The following SERPINB9 variants were observed in gnomAD, a reference collection of about 807,000 sequenced individuals.
SERPINB9 encodes serpin B9.
Under a neutral mutation model 27.2 loss-of-function variants are expected in SERPINB9, and 20 were observed. That is an observed-to-expected ratio of 0.74 (90% CI 0.52 to 1.07). The LOEUF (loss-of-function observed/expected upper bound fraction) is 1.07. SERPINB9 is among the 50% of genes least tolerant of loss of function. The pLI is 0.00. For synonymous variants in SERPINB9, 189 were observed against 180.0 expected (o/e 1.05, Z -0.40); for missense variants, 476 against 460.1 (o/e 1.03, Z -0.32).
chr6:2,891,815 C>A lies in SERPINB9; in HGVS notation c.723+18G>T. 6.4e-7 allele frequency: 1 copy of A among 1,568,896 alleles called. No homozygotes were observed. Among genetic ancestry groups the A allele is most frequent in the Non-Finnish European group, 8.6e-7 (1 of 1,163,324 alleles). ...CCGCAAAGGTGTCCCTGGGTTCTTCCCGCAGCCCGGGTCTTACCGTGCTGA... is the reference window on the plus strand; with the variant it reads ...CCGCAAAGGTGTCCCTGGGTTCTTCACGCAGCCCGGGTCTTACCGTGCTGA... On this transcript the variant is annotated intron_variant, in intron 6 of 6. Transcript: ENST00000380698. This position sits in a 1 kb window ranked among gnomAD's most constrained non-coding sequence, Gnocchi z 4.0.
intron 2 of SERPINB9, chr6:2,899,893 C>T: frequency 2.2e-6 from 1 of 456,324 alleles, no homozygotes. Flanking sequence ...GGGACAAGCA[C>T]TGATCTTGAA....
chr6:2,889,907 G>T lies in SERPINB9; in HGVS notation c.*256C>A. ...GTGGAATTCTAGAAGAACTTTGCTT[G>T]CCATCCTATGGGATTTGGACTGCAA... is the stretch of plus-strand genomic sequence containing the variant. On this transcript the variant is annotated 3_prime_UTR_variant, in exon 7 of 7. Coordinates refer to ENST00000380698, the MANE Select transcript of SERPINB9 (RefSeq NM_004155.6). 1 of 372,846 alleles carries T rather than the reference G, an allele frequency of 2.7e-6. No individual in the cohort carries two copies. Among genetic ancestry groups the T allele is most frequent in the Non-Finnish European group, 4.9e-6 (1 of 205,546 alleles). 23.1% of individuals were successfully genotyped at this position (372,846 alleles called of 1,614,324 possible).
chr6:2,894,991 A>C lies in SERPINB9; in HGVS notation c.424+400T>G, dbSNP rs1047438754. 5.3e-5 allele frequency among the ~76,000 whole-genome samples: 8 copies of C among 152,052 alleles called. No homozygotes were observed. Among genetic ancestry groups the C allele is most frequent in the African/African-American group, 1.9e-4 (8 of 41,398 alleles). ...AGGCTGGTCTCGAACTCCTGACCTCAAGTGATATGTCCACTTCGGCCTTCT... is the reference window on the plus strand; with the variant it reads ...AGGCTGGTCTCGAACTCCTGACCTCCAGTGATATGTCCACTTCGGCCTTCT... On this transcript the variant is annotated intron_variant, in intron 4 of 6. Coordinates refer to ENST00000380698, the MANE Select transcript of SERPINB9 (RefSeq NM_004155.6). This position sits in a 1 kb window ranked among gnomAD's most constrained non-coding sequence, Gnocchi z 4.7.
In SERPINB9 at chr6:2,896,086, C is replaced by G. The variant is rs1390130524; in HGVS notation, c.273G>C (p.Arg91Ser). ...GTQYLLRTAN[R>S]LFGEKTCQFL... The stretch of plus-strand genomic sequence containing the variant: ...ACTGACAAGTTTTCTCTCCAAAGAG[C>G]CTGTTGGCCGTTCTCAGCAGGTACT... Residue 91 changes from arginine to serine, a missense_variant, in exon 3 of 7, where the codon AGG becomes AGC. Arg to Ser is a moderately radical substitution (Grantham distance 110, BLOSUM62 -1). Transcript: ENST00000380698. 6.2e-7 allele frequency: 1 copy of G among 1,613,736 alleles called. No individual in the cohort carries two copies.
chr6:2,897,567 C>T (rs1768041414), intron 2 of SERPINB9, among the ~76,000 whole-genome samples: 1 of 151,920 alleles, frequency 6.6e-6, no homozygotes, highest in African/African-American at 2.4e-5. Flanking sequence ...AAGAGTTTGG[C>T]CAAAGATAAG....
At chr6:2,892,104 CTA>C in intron 5 of SERPINB9, 116 bp from the exon 6 acceptor site, 10 of 79,174 alleles carry the variant, frequency 1.3e-4, no homozygotes, top group South Asian at 4.5e-4. Flanking sequence ...CCAGTTAACA[CTA>C]AAAAAAAAAA....
chr6:2,890,869 G>A lies in SERPINB9; in HGVS notation c.724-299C>T, dbSNP rs1045024079. On this transcript the variant is annotated intron_variant, in intron 6 of 6. Transcript: ENST00000380698. This position sits in a 1 kb window ranked among gnomAD's most constrained non-coding sequence, Gnocchi z 6.2. ...TTGTGACAAGTGTCAATGCCCAGGC[G>A]ACTGTGTTTTTTTTTCAAACATAGT... Among the ~76,000 whole-genome samples the A allele has an allele frequency of 5.9e-5, 9 of 152,080 alleles. No homozygotes were observed. The highest frequency in any genetic ancestry group is 1.3e-4 in the Non-Finnish European group (9 of 68,022).
intron 2 of SERPINB9, among the ~76,000 whole-genome samples, chr6:2,898,312 C>T (rs981521535): frequency 6.6e-6 from 1 of 152,156 alleles, no homozygotes; most frequent in African/African-American, 2.4e-5. Context: ...AGCTCATAGA[C>T]TGTTGATGAG....
chr6:2,900,642 G>C, intron 1 of SERPINB9, 21 bp from the exon 2 acceptor site: 1 of 1,607,818 alleles, frequency 6.2e-7, no homozygotes, highest in Non-Finnish European at 8.5e-7. Flanking sequence ...AGAATAAAGA[G>C]AAATGCAGTT....
At chr6:2,895,569 C>A in intron 3 of SERPINB9, 61 bp from the exon 4 acceptor site, 3 of 1,013,036 alleles carry the variant, frequency 3.0e-6, no homozygotes, top group South Asian at 1.4e-5. Context: ...AGCAAACTTC[C>A]AAAAATTCTA....
At chr6:2,896,920 G>A (rs993865445) in intron 2 of SERPINB9, among the ~76,000 whole-genome samples, 3 of 149,990 alleles carry the variant, frequency 2.0e-5, no homozygotes, top group African/African-American at 7.4e-5. Context: ...CAGGAGGATT[G>A]TTTGAGCCCA....
At chr6:2,901,816 C>T (rs779614492) in intron 1 of SERPINB9, among the ~76,000 whole-genome samples, 4 of 152,214 alleles carry the variant, frequency 2.6e-5, no homozygotes, top group Admixed American at 6.5e-5. Context: ...GGCCCCCTCC[C>T]GAGCCTCTGG....
chr6:2,892,104 C>CA (rs1767824666), intron 5 of SERPINB9, 116 bp from the exon 6 acceptor site: 4 of 79,170 alleles, frequency 5.1e-5, no homozygotes, highest in East Asian at 3.7e-4. Context: ...CCAGTTAACA[C>CA]TAAAAAAAAA....
At chr6:2,893,376 A>T in intron 5 of SERPINB9, 35 bp downstream of exon 5, 1 of 1,580,536 alleles carries the variant, frequency 6.3e-7, no homozygotes, top group East Asian at 2.3e-5. Context: ...CAACTTCTTC[A>T]TCAAACTAGC....
Position 2,889,978 on chromosome 6 carries a change from T to C in SERPINB9, c.*185A>G, listed in dbSNP as rs1051688587. The C allele has an allele frequency of 2.2e-5, 11 of 502,820 alleles. No individual in the cohort carries two copies. The highest frequency in any genetic ancestry group is 1.7e-4 in the Admixed American group (5 of 29,650). 31.1% of individuals were successfully genotyped at this position (502,820 alleles called of 1,614,324 possible). On this transcript the variant is annotated 3_prime_UTR_variant, in exon 7 of 7. Transcript: ENST00000380698. ...ATTATGGTCTATTTTCTCAAGATTCTGATTAAGTAGCATAAGCGAGTGTGG... is the reference window on the plus strand; with the variant it reads ...ATTATGGTCTATTTTCTCAAGATTCCGATTAAGTAGCATAAGCGAGTGTGG...
intron 2 of SERPINB9, among the ~76,000 whole-genome samples, chr6:2,897,320 G>T (rs543220995): frequency 5.2e-4 from 79 of 152,168 alleles, no homozygotes; most frequent in African/African-American, 1.9e-3. Context: ...ACGAAAATTA[G>T]CCGGGTGTGG....
In SERPINB9 at chr6:2,889,437, TGTAATCCCAGCACTTTG is replaced by T; in HGVS notation, c.*709_*725del. ...ATAGCCGGGCGCGGTGGCTCAAGCC[TGTAATCCCAGCACTTTG>T]GGAGGCCGAGGCGGGTGGATCACGA... On this transcript the variant is annotated 3_prime_UTR_variant, in exon 7 of 7. Coordinates refer to ENST00000380698, the MANE Select transcript of SERPINB9 (RefSeq NM_004155.6). 6.6e-6 allele frequency: 1 copy of T among 152,298 alleles called. No homozygotes were observed. Among genetic ancestry groups the T allele is most frequent in the East Asian group, 1.9e-4 (1 of 5,202 alleles). The allele number at this position is 152,298 out of a possible 1,614,324, so 9.4% of individuals were successfully genotyped here.
In SERPINB9 at chr6:2,890,297, A is replaced by G. The variant is rs1218228068; in HGVS notation, c.997T>C (p.Ser333Pro). 1 of 1,614,256 alleles carries G rather than the reference A, an allele frequency of 6.2e-7. No individual in the cohort carries two copies. The highest frequency in any genetic ancestry group is 1.1e-5 in the South Asian group (1 of 91,086). ...NEEGTEAAAASSCFVVAECCM... is the reference protein window; with the variant it reads ...NEEGTEAAAAPSCFVVAECCM... ...CACTCTGCAACTACAAAGCAGCTCG[A>G]CGCTGCCGCTGCCTCGGTGCCTTCT... is the stretch of plus-strand genomic sequence containing the variant. The change falls in exon 7 of 7, where the codon TCG (serine) becomes CCG (proline). Residue 333 changes from serine to proline, a missense_variant. Coordinates refer to ENST00000380698, the MANE Select transcript of SERPINB9 (RefSeq NM_004155.6). This position sits in a 1 kb window ranked among gnomAD's most constrained non-coding sequence, Gnocchi z 6.2.
chr6:2,892,880 A>T (rs1280460243), intron 5 of SERPINB9, among the ~76,000 whole-genome samples: 1 of 152,014 alleles, frequency 6.6e-6, no homozygotes, highest in Non-Finnish European at 1.5e-5. Context: ...TTTGTCATGA[A>T]GTTTTAATAT....
Sources: gnomAD v4.1 joint callset for allele counts (sites outside exome capture counted in the v4.1 genomes callset) on GRCh38, gnomAD v4.1.1 for gene constraint, Gnocchi (gnomAD v3.1) non-coding constraint, MANE v1.5 for transcripts, NCBI Gene and HGNC (gene_info 2026-07-23, HGNC 2026-07-21) for gene names.